The following TFIP11 variants were observed in gnomAD, a reference collection of about 807,000 sequenced individuals.
TFIP11 encodes the protein tuftelin-interacting protein 11.
A neutral mutation model predicts 96.8 loss-of-function variants in TFIP11; 86 were observed. The observed-to-expected ratio is 0.89, with a 90% CI of 0.75 to 1.06. The LOEUF (loss-of-function observed/expected upper bound fraction) is 1.06. TFIP11 is among the 50% of genes least tolerant of loss of function. TFIP11 has a pLI of 0.00. For synonymous variants in TFIP11, 405 were observed against 395.2 expected, an observed-to-expected ratio of 1.02 and a Z score of -0.29; for missense variants, 881 against 1,076.7, an observed-to-expected ratio of 0.82 and a Z score of 2.54.
intron 8 of TFIP11, among the ~76,000 whole-genome samples, chr22:26,500,573 C>T (rs528616361): frequency 6.0e-4 from 91 of 152,050 alleles, no homozygotes; most frequent in Non-Finnish European, 7.4e-4. Flanking sequence ...AATGTGAATA[C>T]GGACTACACT....
At chr22:26,501,832 C>T (rs928937836) in intron 8 of TFIP11, 68 bp downstream of exon 8, 14 of 1,317,790 alleles carry the variant, frequency 1.1e-5, no homozygotes, top group African/African-American at 3.1e-5. Context: ...TCCAAAAAAC[C>T]CTCGAACATG....
At chr22:26,494,501 T>G (rs1921666425) in intron 13 of TFIP11, 197 bp from the exon 14 acceptor site, 7 of 729,668 alleles carry the variant, frequency 9.6e-6, no homozygotes, top group Non-Finnish European at 1.3e-5. Context: ...TGCCCTTGCA[T>G]GTAAACTCTC....
chr22:26,504,580 G>C (rs1484714451), intron 6 of TFIP11, among the ~76,000 whole-genome samples: 1 of 152,012 alleles, frequency 6.6e-6, no homozygotes, highest in Non-Finnish European at 1.5e-5. Flanking sequence ...TACTTGGCAG[G>C]GTTGAGCCCA....
intron 11 of TFIP11, 56 bp downstream of exon 11, chr22:26,496,665 C>G: frequency 6.3e-7 from 1 of 1,586,446 alleles, no homozygotes; most frequent in Non-Finnish European, 8.6e-7. Context: ...AAGCCACAGA[C>G]TGAACAAGTC....
chr22:26,501,968 C>T lies in TFIP11; in HGVS notation c.733G>A (p.Glu245Lys). ...KPKYSYKTVE[E>K]LKAKGRISKK... is the part of the protein sequence containing the mutation. ...CTAATCCTGCCCTTGGCCTTCAACT[C>T]TTCCACGGTCTTGTAAGAGTATTTG... is the stretch of plus-strand genomic sequence containing the variant. Residue 245 changes from glutamate to lysine, a missense_variant, in exon 8 of 15, where the codon GAG becomes AAG. Coordinates refer to ENST00000407690, the MANE Select transcript of TFIP11 (RefSeq NM_012143.4). 1 of 1,613,878 alleles carries T rather than the reference C, an allele frequency of 6.2e-7. No individual in the cohort carries two copies. The highest frequency in any genetic ancestry group is 8.5e-7 in the Non-Finnish European group (1 of 1,179,984).
chr22:26,502,149 T>C, intron 7 of TFIP11, 97 bp from the exon 8 acceptor site: 1 of 1,479,368 alleles, frequency 6.8e-7, no homozygotes, highest in South Asian at 1.1e-5. Context: ...CCATTCACTG[T>C]CTTAGATTTA....
rs761826730 is a variant in TFIP11 at position 26,503,809 on chromosome 22, A to C, written c.521-16T>G. On this transcript the variant is annotated splice_polypyrimidine_tract_variant and intron_variant, in intron 6 of 14. Transcript: ENST00000407690. ...TTAATGATACCTGAGGAATTTCAGC[A>C]AAAAAAAAAGAGAGTCTTACGATCA... 6 of 1,185,626 alleles carry C rather than the reference A, an allele frequency of 5.1e-6. No homozygotes were observed. The East Asian group carries it at 1.3e-4, about 25-fold the overall frequency. The allele number at this position is 1,185,626 out of a possible 1,614,324, so 73.4% of individuals were successfully genotyped here. A position where few individuals can be genotyped will look rare whatever the true frequency, so the allele number is the denominator to read the frequency against.
chr22:26,492,451 G>T, intron 14 of TFIP11, 83 bp from the exon 15 acceptor site: 1 of 1,334,434 alleles, frequency 7.5e-7, no homozygotes, highest in Non-Finnish European at 1.1e-6. Context: ...CCAGGTCTTG[G>T]GTGTGCCAGA....
At chr22:26,503,541 C>T in intron 7 of TFIP11, 125 bp downstream of exon 7, 2 of 1,245,146 alleles carry the variant, frequency 1.6e-6, no homozygotes, top group East Asian at 2.4e-5. Context: ...TAGCCTTCAG[C>T]CCAGTACCTG....
rs763684215 is a variant in TFIP11, at chr22:26,506,262, C to G, written c.520+41G>C. 10 of 1,544,772 alleles carry G rather than the reference C, an allele frequency of 6.5e-6. No individual in the cohort carries two copies. The South Asian group carries it at 1.1e-4, about 17-fold the overall frequency. On this transcript the variant is annotated intron_variant, in intron 6 of 14. Coordinates refer to ENST00000407690, the MANE Select transcript of TFIP11 (RefSeq NM_012143.4). Reference sequence around the variant, plus strand: ...CCCAACGCCCCTCTCCTTCCCTATGCCTGCCCTCCTCCATCATGCAAGACG... The same window carrying G: ...CCCAACGCCCCTCTCCTTCCCTATGGCTGCCCTCCTCCATCATGCAAGACG...
In TFIP11 at chr22:26,496,734, T is replaced by C; in HGVS notation, c.1592A>G (p.Lys531Arg). The C allele has an allele frequency of 1.2e-6, 2 of 1,614,038 alleles. No homozygotes were observed. The highest frequency in any genetic ancestry group is 2.2e-5 in the East Asian group (1 of 44,872). ...CTCTCATCCCACCTCCTTTTGCAGC[T>C]TGGGGAAGATGAGTTGGTCCAGTAT... ...DNILDQLIFP[K>R]LQKEVENWNP... The change falls in exon 11 of 15, where the codon AAG becomes AGG. Residue 531 changes from lysine to arginine, a missense_variant. Coordinates refer to ENST00000407690, the MANE Select transcript of TFIP11 (RefSeq NM_012143.4).
At chr22:26,496,969 G>T in intron 10 of TFIP11, 80 bp from the exon 11 acceptor site, 2 of 1,513,178 alleles carry the variant, frequency 1.3e-6, no homozygotes, top group South Asian at 1.2e-5. Flanking sequence ...TGCCTCTCTA[G>T]AATCAGGAAT....
rs766862268 is a variant in TFIP11 at position 26,499,175 on chromosome 22, G to A, written c.1258C>T (p.Arg420Cys). ...KYYEEYRMSDRVDLAVAIVYP... is the reference protein window; with the variant it reads ...KYYEEYRMSDCVDLAVAIVYP... The stretch of plus-strand genomic sequence containing the variant: ...ACGATGGCCACAGCAAGGTCCACAC[G>A]GTCGGACATCCTGTACTCCTCATAG... Residue 420 changes from arginine to cysteine, a missense_variant, in exon 9 of 15, where the codon CGT becomes TGT. By Grantham distance (180) the Arg-to-Cys change is radical. Transcript: ENST00000407690. The A allele has an allele frequency of 9.9e-6, 16 of 1,609,850 alleles. No homozygotes were observed. The highest frequency in any genetic ancestry group is 1.7e-4 in the Middle Eastern group (1 of 6,046).
chr22:26,507,500 C>A (rs1181240550), intron 4 of TFIP11, among the ~76,000 whole-genome samples: 1 of 151,714 alleles, frequency 6.6e-6, no homozygotes, highest in Non-Finnish European at 1.5e-5. Context: ...CATGGTTGTG[C>A]AAGCCTGTGG....
In TFIP11 at chr22:26,499,214, G is replaced by T. The variant is rs148750780; in HGVS notation, c.1219C>A (p.Leu407Met). Residue 407 changes from leucine (L) to methionine (M), a missense_variant, in exon 9 of 15, where the codon CTG (leucine) becomes ATG (methionine). Transcript: ENST00000407690. ...LDECARIFET[L>M]QDKYYEEYRM... ...TACTCCTCATAGTACTTGTCCTGCA[G>T]GGTTTCGAAGATGCGGGCACACTCG... 6.2e-7 allele frequency: 1 copy of T among 1,613,962 alleles called. No individual in the cohort carries two copies. The highest frequency in any genetic ancestry group is 8.5e-7 in the Non-Finnish European group (1 of 1,179,948).
At position 26,494,205 on chromosome 22, in the gene TFIP11, G is replaced by A. The variant is rs780374673; in HGVS notation, c.2092C>T (p.Pro698Ser). Residue 698 changes from proline (P) to serine (S), a missense_variant, in exon 14 of 15, where the codon CCA becomes TCA. Physicochemically the swap from Pro to Ser is moderately conservative, Grantham distance 74. Coordinates refer to ENST00000407690, the MANE Select transcript of TFIP11 (RefSeq NM_012143.4). ...TCATTAAATTTGTCCTTGACAGATG[G>A]ATGTGCCAGCACTTGGTCTGAGAAC... ...SMFSDQVLAH[P>S]SVKDKFNEAL... 5.0e-6 allele frequency: 8 copies of A among 1,614,092 alleles called. No homozygotes were observed. The highest frequency in any genetic ancestry group is 6.8e-6 in the Non-Finnish European group (8 of 1,180,050).
chr22:26,506,564 G>A, intron 5 of TFIP11, 105 bp from the exon 6 acceptor site: 1 of 1,436,122 alleles, frequency 7.0e-7, no homozygotes, highest in Non-Finnish European at 9.4e-7. Context: ...ACAGCACTAT[G>A]AAAAGTGTCA....
Position 26,499,460 on chromosome 22 carries a change from G to C in TFIP11, c.973C>G (p.Gln325Glu). Residue 325 changes from glutamine to glutamate, a missense_variant, in exon 9 of 15, where the codon CAG (glutamine) becomes GAG (glutamate). Coordinates refer to ENST00000407690, the MANE Select transcript of TFIP11 (RefSeq NM_012143.4). ...TGCTCCGTGAGGTCGATGAGCAGCT[G>C]CAGGTTGTGCTCCAGCTCGGGCAGC... ...FALPELEHNLQLLIDLTEQEI... is the reference protein window; with the variant it reads ...FALPELEHNLELLIDLTEQEI... 2.5e-6 allele frequency: 4 copies of C among 1,614,204 alleles called. No individual in the cohort carries two copies. The South Asian group carries it at 3.3e-5, about 13-fold the overall frequency.
At chr22:26,492,558 G>T in intron 14 of TFIP11, 190 bp from the exon 15 acceptor site, 1 of 595,496 alleles carries the variant, frequency 1.7e-6, no homozygotes, top group Non-Finnish European at 3.0e-6. Context: ...CTGTTCAGAA[G>T]GTTCCTGGCT....
Sources: allele counts gnomAD v4.1 joint callset (sites outside exome capture counted in the v4.1 genomes callset), GRCh38; gene constraint gnomAD v4.1.1; transcripts MANE v1.5; gene names NCBI Gene and HGNC (gene_info 2026-07-23, HGNC 2026-07-21).